The following EPHA5 variants were observed in gnomAD, a reference collection of about 807,000 sequenced individuals.
The protein encoded by EPHA5 is ephrin type-A receptor 5.
In EPHA5, 60 loss-of-function variants were observed where a neutral mutation model predicts 105.0. The observed-to-expected ratio is 0.57, with a 90% CI of 0.46 to 0.71. The LOEUF (loss-of-function observed/expected upper bound fraction) is 0.71. Ranked by LOEUF, EPHA5 falls within the 30% of genes least tolerant of loss-of-function variation. The pLI, the probability that EPHA5 is intolerant of heterozygous loss-of-function variation, is 0.00. For missense variants in EPHA5, 1,218 were observed against 1,274.7 expected (o/e 0.96, Z 0.68); for synonymous variants, 513 against 449.1 (o/e 1.14, Z -1.80).
intron 5 of EPHA5, among the ~76,000 whole-genome samples, chr4:65,478,444 C>G (rs1730042430): frequency 6.6e-6 from 1 of 152,052 alleles, no homozygotes; most frequent in South Asian, 2.1e-4. Flanking sequence ...CAATATATTT[C>G]CCTCCATTTG....
At chr4:65,544,956 C>T (rs887950239) in intron 3 of EPHA5, among the ~76,000 whole-genome samples, 9 of 149,542 alleles carry the variant, frequency 6.0e-5, no homozygotes, top group Admixed American at 3.4e-4. Flanking sequence ...AAAAAAAAGC[C>T]ATTCCAATTT....
intron 3 of EPHA5, among the ~76,000 whole-genome samples, chr4:65,569,064 T>C (rs931465685): frequency 1.1e-4 from 16 of 151,420 alleles, no homozygotes; most frequent in South Asian, 4.2e-4. Flanking sequence ...GTACTTACTA[T>C]GCAAACATGC....
At chr4:65,574,190 G>A (rs572081861) in intron 3 of EPHA5, 30 of 1,604,724 alleles carry the variant, frequency 1.9e-5, no homozygotes, top group South Asian at 1.7e-4. Context: ...ATGAGATTAC[G>A]GAGCAGCGCA....
intron 5 of EPHA5, among the ~76,000 whole-genome samples, chr4:65,458,520 C>A (rs1294244309): frequency 6.6e-6 from 1 of 152,110 alleles, no homozygotes; most frequent in Non-Finnish European, 1.5e-5. Flanking sequence ...TTAATGAAAT[C>A]TTTTGAGTGT....
intron 5 of EPHA5, among the ~76,000 whole-genome samples, chr4:65,456,776 A>G (rs562933071): frequency 2.0e-5 from 3 of 152,068 alleles, no homozygotes; most frequent in African/African-American, 4.8e-5. Flanking sequence ...GTAATATGTC[A>G]CCTATCCACT....
intron 1 of EPHA5, 97 bp downstream of exon 1, chr4:65,669,465 T>TGCA: frequency 2.4e-6 from 3 of 1,263,060 alleles, no homozygotes; most frequent in Non-Finnish European, 3.0e-6. Context: ...CGATTTAGTC[T>TGCA]GCAGCAGCAG....
In EPHA5 at chr4:65,325,462, A is replaced by AC. The variant is rs80153275; in HGVS notation, c.2946-1244dup. Among the ~76,000 whole-genome samples the AC allele has an allele frequency of 4.4e-4, 65 of 149,096 alleles. 1 individual carries two copies. Among genetic ancestry groups the AC allele is most frequent in the Admixed American group, 2.2e-3 (32 of 14,798 alleles). On this transcript the variant is annotated intron_variant, in intron 16 of 16. Coordinates refer to ENST00000613740, the MANE Select transcript of EPHA5 (RefSeq NM_001281766.3). ...CAGTTTTAGGAAATGGCAAGCAGCTACCCCCCCAAAAAAATGCTATTGATA... is the reference window on the plus strand; with the variant it reads ...CAGTTTTAGGAAATGGCAAGCAGCTACCCCCCCCAAAAAAATGCTATTGATA...
intron 16 of EPHA5, among the ~76,000 whole-genome samples, chr4:65,327,121 G>A (rs34017095): frequency 0.076 from 11,450 of 150,946 alleles, 527 homozygotes; most frequent in Admixed American, 0.13. Context: ...TCAATGTTTC[G>A]GTAGTTTAAA....
Position 65,348,022 on chromosome 4 carries a change from G to A in EPHA5, c.2595+32C>T, listed in dbSNP as rs191959000. 4,329 of 1,528,282 alleles carry A rather than the reference G, an allele frequency of 2.8e-3. 17 individuals carry two copies. Among genetic ancestry groups the A allele is most frequent in the Non-Finnish European group, 3.3e-3 (3,748 of 1,138,418 alleles). 94.7% of individuals were successfully genotyped at this position (1,528,282 alleles called of 1,614,324 possible). ...GACTCAGAGAACAAAGCATTTCATT[G>A]TCAAGTTGGGAAAGAGTAGTTCCAT... is the stretch of plus-strand genomic sequence containing the variant. On this transcript the variant is annotated intron_variant, in intron 14 of 16. Coordinates refer to ENST00000613740, the MANE Select transcript of EPHA5 (RefSeq NM_001281766.3).
chr4:65,506,185 T>A (rs930844202), intron 3 of EPHA5, among the ~76,000 whole-genome samples: 1 of 152,166 alleles, frequency 6.6e-6, no homozygotes, highest in Non-Finnish European at 1.5e-5. Flanking sequence ...GAACTCATCC[T>A]TTTTTATGGC....
chr4:65,438,434 G>A (rs919289646), intron 5 of EPHA5, among the ~76,000 whole-genome samples: 1 of 151,604 alleles, frequency 6.6e-6, no homozygotes, highest in African/African-American at 2.4e-5. Context: ...ATGTATATAT[G>A]TATCCATATA....
intron 1 of EPHA5, among the ~76,000 whole-genome samples, chr4:65,665,488 C>T (rs1234527830): frequency 2.0e-5 from 3 of 151,990 alleles, no homozygotes; most frequent in Admixed American, 1.3e-4. Context: ...TAAGTGGTCA[C>T]ATTTTATAGA....
intron 3 of EPHA5, among the ~76,000 whole-genome samples, chr4:65,592,448 C>T (rs1742756992): frequency 6.6e-6 from 1 of 151,696 alleles, no homozygotes; most frequent in Non-Finnish European, 1.5e-5. Context: ...GTGGGGAGAC[C>T]TTCAGAGAAC....
rs375805937 is a variant in EPHA5, at chr4:65,517,424, A to G, written c.911-21881T>C. 3.3e-5 allele frequency among the ~76,000 whole-genome samples: 5 copies of G among 151,968 alleles called. No individual in the cohort carries two copies. In the South Asian group the frequency reaches 1.0e-3, roughly 32 times the overall value. Reference sequence around the variant, plus strand: ...TTATTCAGAATATTCATTTATTTTGAGTAACTTTTATTCAGAATAAATTTG... The same window carrying G: ...TTATTCAGAATATTCATTTATTTTGGGTAACTTTTATTCAGAATAAATTTG... On this transcript the variant is annotated intron_variant, in intron 3 of 16. Coordinates refer to ENST00000613740, the MANE Select transcript of EPHA5 (RefSeq NM_001281766.3).
At chr4:65,418,966 C>G (rs943732934) in intron 6 of EPHA5, among the ~76,000 whole-genome samples, 9 of 140,890 alleles carry the variant, frequency 6.4e-5, no homozygotes, top group African/African-American at 2.3e-4. Flanking sequence ...TCACTGCAAC[C>G]TCCGCTTCCT....
At chr4:65,485,732 C>A (rs535888493) in intron 5 of EPHA5, among the ~76,000 whole-genome samples, 7 of 152,214 alleles carry the variant, frequency 4.6e-5, no homozygotes, top group Admixed American at 2.6e-4. Context: ...TGTTGTCACA[C>A]GCACAGAAAT....
chr4:65,529,475 ATAT>A, intron 3 of EPHA5, among the ~76,000 whole-genome samples: 1 of 150,880 alleles, frequency 6.6e-6, no homozygotes, highest in Admixed American at 6.6e-5. Flanking sequence ...CAAATACAAC[ATAT>A]TCAGTTATGT....
At chr4:65,656,752 C>T (rs1360203195) in intron 1 of EPHA5, among the ~76,000 whole-genome samples, 1 of 151,116 alleles carries the variant, frequency 6.6e-6, no homozygotes, top group Non-Finnish European at 1.5e-5. Flanking sequence ...GTAGCTGGGA[C>T]TACAGGTGCA....
chr4:65,605,378 C>T (rs559019626), intron 2 of EPHA5, among the ~76,000 whole-genome samples: 2 of 152,336 alleles, frequency 1.3e-5, no homozygotes, highest in East Asian at 3.9e-4. Context: ...TCTCATTGCT[C>T]TCTTGGCCTT....
Sources: gnomAD v4.1 joint callset for allele counts (sites outside exome capture counted in the v4.1 genomes callset) on GRCh38, gnomAD v4.1.1 for gene constraint, MANE v1.5 for transcripts, NCBI Gene and HGNC (gene_info 2026-07-23, HGNC 2026-07-21) for gene names.